The following TRPC5 variants were observed in gnomAD, a reference collection of about 807,000 sequenced individuals.
TRPC5 encodes short transient receptor potential channel 5.
In TRPC5, 9 loss-of-function variants were observed where a neutral mutation model predicts 56.5. That is an observed-to-expected ratio of 0.16 (90% CI 0.10 to 0.28). TRPC5 has a LOEUF of 0.28. Ranked by LOEUF, TRPC5 falls within the 10% of genes least tolerant of loss-of-function variation. The probability of loss-of-function intolerance (pLI) is 1.00; values close to 1 mark genes in which losing one functional copy is unlikely to be tolerated. For synonymous variants in TRPC5, 282 were observed against 278.5 expected (o/e 1.01, Z -0.13); for missense variants, 469 against 748.9 (o/e 0.63, Z 4.36).
At chrX:111,977,138 A>T (rs1213705136) in intron 1 of TRPC5, among the ~76,000 whole-genome samples, 1 of 111,650 alleles carries the variant, frequency 9.0e-6, no homozygotes, top group Non-Finnish European at 1.9e-5. Context: ...ATAGAAAAAA[A>T]AATCCTAATA....
chrX:111,965,457 C>G (rs1353316012), intron 1 of TRPC5, among the ~76,000 whole-genome samples: 1 of 111,732 alleles, frequency 8.9e-6, no homozygotes, highest in African/African-American at 3.3e-5. Context: ...TTGAACTCAG[C>G]TCTGCACCAA....
intron 3 of TRPC5, among the ~76,000 whole-genome samples, chrX:111,911,697 G>A (rs1925822214): frequency 8.9e-6 from 1 of 112,272 alleles, no homozygotes; most frequent in African/African-American, 3.2e-5. Context: ...TACCATAGCA[G>A]ATCCTGCTTC....
chrX:111,784,595 G>T lies in TRPC5; in HGVS notation c.1897-2457C>A, dbSNP rs150085694. Among the ~76,000 whole-genome samples, 145 of 112,093 alleles carry T rather than the reference G, an allele frequency of 1.3e-3. 1 individual carries two copies. In the East Asian group the frequency reaches 0.02, roughly 15 times the overall value. ...TTGGACAGTGGGTGCAGCCCACAGA[G>T]GGCGAGCTGAAGCAGAGCAGGGTGT... On this transcript the variant is annotated intron_variant, in intron 7 of 10. Transcript: ENST00000262839.
At chrX:111,857,690 T>C (rs147546677) in intron 3 of TRPC5, among the ~76,000 whole-genome samples, 20 of 112,516 alleles carry the variant, frequency 1.8e-4, no homozygotes, top group African/African-American at 6.1e-4. Context: ...AACTCAGCCA[T>C]AGACAATATG....
intron 2 of TRPC5, among the ~76,000 whole-genome samples, chrX:111,934,045 C>T (rs1247032942): frequency 9.1e-6 from 1 of 109,988 alleles, no homozygotes; most frequent in Non-Finnish European, 1.9e-5. Flanking sequence ...TCAGATGTAT[C>T]GTTTACAAAT....
At chrX:111,837,639 C>T (rs973523295) in intron 6 of TRPC5, among the ~76,000 whole-genome samples, 4 of 111,402 alleles carry the variant, frequency 3.6e-5, no homozygotes, top group African/African-American at 9.8e-5. Context: ...TTGGTTGCTT[C>T]TCCTGAATAG....
chrX:112,018,037 A>T (rs992302968), intron 1 of TRPC5, among the ~76,000 whole-genome samples: 10 of 112,797 alleles, frequency 8.9e-5, no homozygotes, highest in Non-Finnish European at 5.6e-5. Context: ...TTTTGGATAC[A>T]GTGGGTTAAA....
chrX:111,963,217 T>C (rs753051613), intron 1 of TRPC5, among the ~76,000 whole-genome samples: 89 of 112,090 alleles, frequency 7.9e-4, no homozygotes, highest in African/African-American at 2.5e-3. Context: ...CACAGAGTCT[T>C]GCTGATTGCT....
At chrX:111,875,577 T>C (rs917791927) in intron 3 of TRPC5, among the ~76,000 whole-genome samples, 4 of 101,175 alleles carry the variant, frequency 4.0e-5, no homozygotes, top group Non-Finnish European at 5.9e-5. Context: ...TCTTTCTTTT[T>C]TTTTTTTTTT....
intron 2 of TRPC5, among the ~76,000 whole-genome samples, chrX:111,927,816 T>A (rs1425159555): frequency 5.7e-5 from 4 of 69,804 alleles, no homozygotes; most frequent in African/African-American, 3.8e-4. Flanking sequence ...ATGGGAAACT[T>A]TTTTTTTTTT....
chrX:111,943,384 C>T (rs1023056933), intron 2 of TRPC5, among the ~76,000 whole-genome samples: 1 of 111,913 alleles, frequency 8.9e-6, no homozygotes, highest in Non-Finnish European at 1.9e-5. Flanking sequence ...CGCTGTCCCC[C>T]TCCACACTGT....
intron 7 of TRPC5, among the ~76,000 whole-genome samples, chrX:111,830,172 G>A (rs1922367989): frequency 8.9e-6 from 1 of 112,379 alleles, no homozygotes; most frequent in Non-Finnish European, 1.9e-5. Flanking sequence ...AGTGGATTTG[G>A]GACTTGCATG....
At chrX:111,846,230 T>A (rs1922922025) in intron 6 of TRPC5, among the ~76,000 whole-genome samples, 1 of 111,614 alleles carries the variant, frequency 9.0e-6, no homozygotes, top group Non-Finnish European at 1.9e-5. Context: ...TGTATGATCT[T>A]GGGGTCATTG....
intron 2 of TRPC5, among the ~76,000 whole-genome samples, chrX:111,939,790 T>G (rs2042024634): frequency 8.9e-6 from 1 of 112,035 alleles, no homozygotes; most frequent in Non-Finnish European, 1.9e-5. Context: ...TTCTCTCTTT[T>G]TTTCTTAGTC....
chrX:111,782,228 G>T, intron 7 of TRPC5, 90 bp from the exon 8 acceptor site: 1 of 776,462 alleles, frequency 1.3e-6, no homozygotes, highest in Non-Finnish European at 1.9e-6. Context: ...TGCTTCTATA[G>T]AGGGCAATAT....
intron 3 of TRPC5, among the ~76,000 whole-genome samples, chrX:111,891,349 TC>T (rs1405135557): frequency 1.8e-5 from 2 of 111,522 alleles, no homozygotes; most frequent in Non-Finnish European, 3.8e-5. Flanking sequence ...TATAAGCATT[TC>T]TTTTTCTCTG....
intron 3 of TRPC5, among the ~76,000 whole-genome samples, chrX:111,877,957 T>C (rs1367115113): frequency 9.0e-6 from 1 of 111,550 alleles, no homozygotes; most frequent in South Asian, 3.8e-4. Flanking sequence ...TGATAGGTTC[T>C]GGTGATTAAG....
At chrX:111,859,904 T>TTTTG (rs912749564) in intron 3 of TRPC5, among the ~76,000 whole-genome samples, 3 of 112,739 alleles carry the variant, frequency 2.7e-5, no homozygotes, top group East Asian at 2.8e-4. Context: ...CAACTAGTTT[T>TTTTG]TTTGTTTGTT....
Position 112,021,296 on chromosome X carries a change from T to C in TRPC5, c.-22+60583A>G, listed in dbSNP as rs191517433. On this transcript the variant is annotated intron_variant, in intron 1 of 10. Transcript: ENST00000262839. ...AAATGATGTCCACTATGTCAACCCA[T>C]ACAGTAAGTATAGTAGGCAAGTAGA... 3.1e-3 allele frequency among the ~76,000 whole-genome samples: 351 copies of C among 111,621 alleles called. 3 individuals are homozygous for C. Among genetic ancestry groups the C allele is most frequent in the African/African-American group, 0.011 (339 of 30,703 alleles).
Sources: gnomAD v4.1 joint callset for allele counts (sites outside exome capture counted in the v4.1 genomes callset) on GRCh38, gnomAD v4.1.1 for gene constraint, MANE v1.5 for transcripts, NCBI Gene and HGNC (gene_info 2026-07-23, HGNC 2026-07-21) for gene names.